RNF213: variants seen among roughly 807,000 people sequenced by gnomAD.
RNF213 encodes E3 ubiquitin-protein ligase RNF213.
A neutral mutation model predicts 514.4 loss-of-function variants in RNF213; 341 were observed. The ratio of observed to expected loss-of-function variants is 0.66; its 90% CI spans 0.61 to 0.73. The LOEUF (loss-of-function observed/expected upper bound fraction) is 0.73. Among genes scored for constraint, RNF213 ranks in the 30% least tolerant of loss-of-function variants. The pLI is 0.00. For synonymous variants in RNF213, 2,655 were observed against 2,658.2 expected (o/e 1.00, Z 0.04); for missense variants, 5,767 against 6,615.6 (o/e 0.87, Z 4.45).
At chr17:80,385,648 A>G (rs759713985) in intron 61 of RNF213, 27 bp downstream of exon 61, 2 of 1,597,964 alleles carry the variant, frequency 1.3e-6, no homozygotes, top group East Asian at 2.2e-5. Context: ...CTGTACCACT[A>G]AGCGTTCCAG....
chr17:80,307,056 C>T, intron 12 of RNF213, 72 bp from the exon 13 acceptor site: 6 of 1,484,988 alleles, frequency 4.0e-6, no homozygotes, highest in Non-Finnish European at 5.6e-6. Context: ...TTTTTTTCAG[C>T]TCTGTTTTAG....
At chr17:80,358,898 ACT>A (rs1487725884) in intron 37 of RNF213, among the ~76,000 whole-genome samples, 1 of 151,854 alleles carries the variant, frequency 6.6e-6, no homozygotes, top group Admixed American at 6.6e-5. Flanking sequence ...ACAGAGCAAG[ACT>A]CTGTCTCAAA....
chr17:80,349,854 C>T lies in RNF213; in HGVS notation c.10036C>T (p.Leu3346Phe), dbSNP rs764664395. 6.2e-7 allele frequency: 1 copy of T among 1,614,152 alleles called. No homozygotes were observed. The highest frequency in any genetic ancestry group is 2.2e-5 in the East Asian group (1 of 44,888). ...CACAGGCAGGGCTCCGAAACCCACA[C>T]TCCTGTGGCTGCAGCAGTTTGACAC... ...EVTGRAPKPTLLWLQQFDTEY... is the reference protein window; with the variant it reads ...EVTGRAPKPTFLWLQQFDTEY... Residue 3346 changes from leucine to phenylalanine, a missense_variant, in exon 30 of 68, where the codon CTC (leucine) becomes TTC (phenylalanine). By Grantham distance (22) the Leu-to-Phe change is conservative (BLOSUM62 0). Transcript: ENST00000582970.
In RNF213 at chr17:80,363,758, G is replaced by A. The variant is rs764187396; in HGVS notation, c.11718G>A (p.Gly3906=). Residue 3906 remains glycine (G), a synonymous_variant, in exon 41 of 68, where the codon GGG becomes GGA. Transcript: ENST00000582970. ...CCGATGAGCACATGCAAGGCAGCGG[G>A]AGCCTGGCCCAGGCTGTCATCAGGG... ...ICSDEHMQGS[G]SLAQAVIREV... The A allele has an allele frequency of 5.6e-6, 9 of 1,613,696 alleles. No individual in the cohort carries two copies. Among genetic ancestry groups the A allele is most frequent in the South Asian group, 1.1e-5 (1 of 91,064 alleles).
intron 42 of RNF213, among the ~76,000 whole-genome samples, chr17:80,366,921 GTGA>G (rs1213015864): frequency 2.0e-5 from 3 of 152,222 alleles, no homozygotes; most frequent in African/African-American, 7.2e-5. Context: ...ATCTTGTACA[GTGA>G]TGATGTGTAT....
chr17:80,392,372 GT>G (rs1354941105), intron 67 of RNF213, among the ~76,000 whole-genome samples: 1 of 152,146 alleles, frequency 6.6e-6, no homozygotes, highest in Non-Finnish European at 1.5e-5. Flanking sequence ...AGAATACAAG[GT>G]TTTTTGAATG....
chr17:80,307,005 G>T, intron 12 of RNF213, 123 bp from the exon 13 acceptor site: 1 of 932,168 alleles, frequency 1.1e-6, no homozygotes, highest in Non-Finnish European at 1.8e-6. Flanking sequence ...CTTAAAATTT[G>T]TTTGTAGGAA....
chr17:80,316,073 G>A (rs2045939732), intron 15 of RNF213: 1 of 151,930 alleles, frequency 6.6e-6, no homozygotes, highest in South Asian at 2.1e-4. Context: ...ATTTGAACAT[G>A]CCTGACCTAA....
chr17:80,269,322 T>G (rs1351348685), intron 2 of RNF213, among the ~76,000 whole-genome samples: 1 of 152,132 alleles, frequency 6.6e-6, no homozygotes, highest in Non-Finnish European at 1.5e-5. Flanking sequence ...CACCTGATAT[T>G]AACCATCACA....
In RNF213 at chr17:80,353,805, C is replaced by T. The variant is rs2078625019; in HGVS notation, c.10578+139C>T. 7.7e-7 allele frequency: 1 copy of T among 1,290,604 alleles called. No homozygotes were observed. Among genetic ancestry groups the T allele is most frequent in the African/African-American group, 1.5e-5 (1 of 68,778 alleles). The allele number at this position is 1,290,604 out of a possible 1,614,324, so 79.9% of individuals were successfully genotyped here. On this transcript the variant is annotated intron_variant, in intron 34 of 67. Transcript: ENST00000582970. The surrounding 1 kb of genome is among the most constrained non-coding windows in gnomAD (Gnocchi z 5.0). ...AGGATGGCGCCCCACTTTCCTCACA[C>T]AGTGACGGTCTTGTTGCTGGTTACT...
intron 17 of RNF213, among the ~76,000 whole-genome samples, chr17:80,323,155 G>A (rs1247915062): frequency 1.3e-5 from 2 of 152,168 alleles, no homozygotes; most frequent in South Asian, 4.1e-4. Context: ...TACATTCCCT[G>A]TTGAGTGATG....
chr17:80,333,468 C>T (rs1448521167), intron 21 of RNF213, among the ~76,000 whole-genome samples: 17 of 151,374 alleles, frequency 1.1e-4, no homozygotes, highest in South Asian at 4.2e-4. Flanking sequence ...CTGAGGTGGG[C>T]AGATCACCTG....
At chr17:80,299,546 ATTTAT>A (rs1385251947) in intron 11 of RNF213, among the ~76,000 whole-genome samples, 1 of 151,662 alleles carries the variant, frequency 6.6e-6, no homozygotes, top group Non-Finnish European at 1.5e-5. Flanking sequence ...TTATTTATTT[ATTTAT>A]TTATTTATTT....
intron 32 of RNF213, chr17:80,352,213 A>T: frequency 4.9e-6 from 1 of 205,308 alleles, no homozygotes; most frequent in Non-Finnish European, 1.0e-5. Flanking sequence ...TGTGTTGTAC[A>T]GTCTGAAATT....
chr17:80,283,536 C>A (rs1284374920), intron 3 of RNF213, among the ~76,000 whole-genome samples: 1 of 152,224 alleles, frequency 6.6e-6, no homozygotes, highest in African/African-American at 2.4e-5. Context: ...GCTCCTGCCT[C>A]CAGCCTCCCC....
At chr17:80,325,990 G>A (rs1269023996) in intron 18 of RNF213, among the ~76,000 whole-genome samples, 4 of 150,062 alleles carry the variant, frequency 2.7e-5, no homozygotes, top group East Asian at 1.9e-4. Flanking sequence ...ATGGAGTCTC[G>A]CTCTCTCACC....
intron 42 of RNF213, among the ~76,000 whole-genome samples, chr17:80,367,457 T>A (rs535649550): frequency 6.6e-6 from 1 of 152,210 alleles, no homozygotes; most frequent in Non-Finnish European, 1.5e-5. Flanking sequence ...ATACAGATGG[T>A]CATTATTATT....
At chr17:80,326,065 T>C (rs937788403) in intron 18 of RNF213, among the ~76,000 whole-genome samples, 1 of 152,058 alleles carries the variant, frequency 6.6e-6, no homozygotes, top group African/African-American at 2.4e-5. Context: ...TTCAAGCGAT[T>C]CTCCTGCCTC....
At chr17:80,278,742 G>A in intron 3 of RNF213, 1 of 1,537,040 alleles carries the variant, frequency 6.5e-7, no homozygotes, top group Non-Finnish European at 8.7e-7. Context: ...TGCCCTGTCT[G>A]AAGGGGGTCG....
Sources: allele counts gnomAD v4.1 joint callset (sites outside exome capture counted in the v4.1 genomes callset), GRCh38; gene constraint gnomAD v4.1.1; non-coding constraint Gnocchi (gnomAD v3.1); transcripts MANE v1.5; gene names NCBI Gene and HGNC (gene_info 2026-07-23, HGNC 2026-07-21).